TRDN: variants seen among roughly 807,000 people sequenced by gnomAD.
TRDN encodes the protein triadin in skeletal muscle.
Under a neutral mutation model 149.7 loss-of-function variants are expected in TRDN, and 161 were observed. That is an observed-to-expected ratio of 1.08 (90% CI 0.95 to 1.23). The LOEUF is 1.23. Ranked by LOEUF, TRDN falls within the 50% of genes most tolerant of loss-of-function variation. TRDN has a pLI of 0.00. For missense variants in TRDN, 896 were observed against 823.5 expected, an observed-to-expected ratio of 1.09 and a Z score of -1.08; for synonymous variants, 294 against 250.5, an observed-to-expected ratio of 1.17 and a Z score of -1.64.
intron 1 of TRDN, among the ~76,000 whole-genome samples, chr6:123,576,897 A>G (rs1782884428): frequency 6.6e-6 from 1 of 152,078 alleles, no homozygotes; most frequent in African/African-American, 2.4e-5. Context: ...GCTTTCATGA[A>G]AAGTGTCAGG....
At chr6:123,560,601 G>T (rs1190292667) in intron 2 of TRDN, among the ~76,000 whole-genome samples, 2 of 152,128 alleles carry the variant, frequency 1.3e-5, no homozygotes, top group African/African-American at 4.8e-5. Context: ...CATCGCTCAG[G>T]ACAATGCTTA....
At chr6:123,431,294 G>T (rs146880993) in intron 12 of TRDN, among the ~76,000 whole-genome samples, 5 of 152,222 alleles carry the variant, frequency 3.3e-5, no homozygotes, top group East Asian at 3.9e-4. Flanking sequence ...ATGTGTACTA[G>T]ATTTTCCATT....
At chr6:123,634,134 A>G (rs1220141471) in intron 1 of TRDN, among the ~76,000 whole-genome samples, 1 of 152,020 alleles carries the variant, frequency 6.6e-6, no homozygotes, top group Admixed American at 6.6e-5. Flanking sequence ...TAATGTGTCC[A>G]AAAGTGATTG....
At chr6:123,353,784 C>T (rs1461343314) in intron 20 of TRDN, among the ~76,000 whole-genome samples, 1 of 151,476 alleles carries the variant, frequency 6.6e-6, no homozygotes. Flanking sequence ...AGGAAAGTAA[C>T]CTATTATTTT....
chr6:123,224,498 A>T (rs557314624), intron 38 of TRDN, among the ~76,000 whole-genome samples: 31 of 151,934 alleles, frequency 2.0e-4, no homozygotes, highest in South Asian at 8.3e-4. Context: ...GGTTTCACGC[A>T]TACAGCCTAG....
At position 123,465,072 on chromosome 6, in the gene TRDN, G is replaced by T. The variant is rs1431131304; in HGVS notation, c.854-89C>A. On this transcript the variant is annotated intron_variant, in intron 9 of 40. Coordinates refer to ENST00000334268, the MANE Select transcript of TRDN (RefSeq NM_006073.4). ...AAAAAGCTAGATCTGTCCCCTACAT[G>T]CATAATTCATAATACCAAGCCAAGT... 6 of 1,349,270 alleles carry T rather than the reference G, an allele frequency of 4.4e-6. No homozygotes were observed. In the African/African-American group the frequency reaches 5.9e-5, roughly 13 times the overall value. 83.6% of individuals were successfully genotyped at this position (1,349,270 alleles called of 1,614,324 possible).
At chr6:123,455,436 G>C (rs911782081) in intron 10 of TRDN, among the ~76,000 whole-genome samples, 163 of 145,672 alleles carry the variant, frequency 1.1e-3, no homozygotes, top group African/African-American at 4.0e-3. Context: ...GTGTGTGTGT[G>C]TGTCTGTGTG....
At chr6:123,262,473 A>G (rs1776806146) in intron 33 of TRDN, among the ~76,000 whole-genome samples, 1 of 152,080 alleles carries the variant, frequency 6.6e-6, no homozygotes, top group Non-Finnish European at 1.5e-5. Context: ...ATCAACAGAA[A>G]ACATGATAGG....
At chr6:123,603,279 A>G (rs1475795849) in intron 1 of TRDN, among the ~76,000 whole-genome samples, 1 of 151,552 alleles carries the variant, frequency 6.6e-6, no homozygotes, top group Non-Finnish European at 1.5e-5. Context: ...CTTGATTTTT[A>G]TCTTTCTAAT....
At chr6:123,561,963 G>T (rs1013038232) in intron 2 of TRDN, among the ~76,000 whole-genome samples, 2 of 152,066 alleles carry the variant, frequency 1.3e-5, no homozygotes. Context: ...CCCAAGCTAA[G>T]CCATCATATC....
chr6:123,381,956 GCTCTCTCTCTCT>G (rs55997261), intron 15 of TRDN, among the ~76,000 whole-genome samples, 150 bp downstream of exon 15: 3 of 138,450 alleles, frequency 2.2e-5, no homozygotes, highest in Admixed American at 1.4e-4. Flanking sequence ...TAGATTTGGC[GCTCTCTCTCTCT>G]CTCTCTCTCT....
At chr6:123,432,433 C>CAA (rs35511361) in intron 12 of TRDN, among the ~76,000 whole-genome samples, 133 of 144,248 alleles carry the variant, frequency 9.2e-4, no homozygotes, top group Non-Finnish European at 1.4e-3. Context: ...GTATTATCTC[C>CAA]AAAAAAAAAA....
At chr6:123,562,526 CA>C (rs1782056389) in intron 2 of TRDN, among the ~76,000 whole-genome samples, 1 of 152,068 alleles carries the variant, frequency 6.6e-6, no homozygotes, top group African/African-American at 2.4e-5. Context: ...TCACAGATAC[CA>C]AAACTGCTGG....
intron 40 of TRDN, among the ~76,000 whole-genome samples, chr6:123,220,452 A>G (rs1160060843): frequency 6.6e-6 from 1 of 151,874 alleles, no homozygotes; most frequent in Non-Finnish European, 1.5e-5. Context: ...ATATAAAATG[A>G]AAATATGTCC....
At chr6:123,633,831 C>T (rs963075544) in intron 1 of TRDN, among the ~76,000 whole-genome samples, 22 of 151,940 alleles carry the variant, frequency 1.4e-4, no homozygotes. Flanking sequence ...AGGTTATAGG[C>T]ACGACATGCA....
chr6:123,618,441 T>G (rs1235195100), intron 1 of TRDN, among the ~76,000 whole-genome samples: 1 of 152,182 alleles, frequency 6.6e-6, no homozygotes, highest in African/African-American at 2.4e-5. Context: ...AGGACTTCCG[T>G]GATTTTATTG....
At chr6:123,460,291 G>T (rs959559122) in intron 10 of TRDN, among the ~76,000 whole-genome samples, 5 of 152,098 alleles carry the variant, frequency 3.3e-5, no homozygotes, top group African/African-American at 1.2e-4. Context: ...TAGCTTCTGT[G>T]GATACCAATA....
At chr6:123,466,600 G>T (rs1316774615) in intron 9 of TRDN, among the ~76,000 whole-genome samples, 1 of 151,784 alleles carries the variant, frequency 6.6e-6, no homozygotes, top group Non-Finnish European at 1.5e-5. Context: ...CTCTACTCTA[G>T]GTTTCTACTT....
At chr6:123,619,803 A>G (rs879376246) in intron 1 of TRDN, among the ~76,000 whole-genome samples, 2 of 152,098 alleles carry the variant, frequency 1.3e-5, no homozygotes, top group Non-Finnish European at 2.9e-5. Flanking sequence ...TGAGAAGAAA[A>G]AGGAAAAGGT....
Sources: gnomAD v4.1 joint callset for allele counts (sites outside exome capture counted in the v4.1 genomes callset) on GRCh38, gnomAD v4.1.1 for gene constraint, MANE v1.5 for transcripts, NCBI Gene and HGNC (gene_info 2026-07-23, HGNC 2026-07-21) for gene names.